Variants in CMTM8 observed in about 807,000 individuals in gnomAD.
CMTM8 encodes CKLF like MARVEL transmembrane domain containing 8, also known as CKLF-like MARVEL transmembrane domain-containing protein 8.
A neutral mutation model predicts 18.6 loss-of-function variants in CMTM8; 12 were observed. The ratio of observed to expected loss-of-function variants is 0.65; its 90% CI spans 0.41 to 1.05. The LOEUF is 1.05. Among genes scored for constraint, CMTM8 ranks in the 50% least tolerant of loss-of-function variants. The pLI is 0.00. For synonymous variants in CMTM8, 87 were observed against 90.6 expected, an observed-to-expected ratio of 0.96 and a Z score of 0.23; for missense variants, 217 against 227.2, an observed-to-expected ratio of 0.95 and a Z score of 0.29.
intron 1 of CMTM8, among the ~76,000 whole-genome samples, chr3:32,336,578 A>T (rs1359888799): frequency 6.6e-6 from 1 of 152,202 alleles, no homozygotes; most frequent in Admixed American, 6.5e-5. Context: ...GCTAAATGAG[A>T]TGTGAGCGAT....
intron 1 of CMTM8, among the ~76,000 whole-genome samples, chr3:32,273,129 ATGTGTGTGTGTGTGTGTGTGTG>A (rs60162265): frequency 7.0e-6 from 1 of 142,930 alleles, no homozygotes; most frequent in Non-Finnish European, 1.5e-5. Flanking sequence ...ATTGGAACAA[ATGTGTGTGTGTGTGTGTGTGTG>A]TGTGTGTGTG....
intron 1 of CMTM8, among the ~76,000 whole-genome samples, chr3:32,335,576 G>T (rs1696370725): frequency 6.6e-6 from 1 of 152,192 alleles, no homozygotes; most frequent in Non-Finnish European, 1.5e-5. Context: ...TACTGACCTT[G>T]GCCATTGGAC....
intron 1 of CMTM8, among the ~76,000 whole-genome samples, chr3:32,305,956 T>C (rs910006831): frequency 2.6e-5 from 4 of 152,250 alleles, no homozygotes; most frequent in Non-Finnish European, 4.4e-5. Flanking sequence ...AATCAATTCA[T>C]GTTGCTATGG....
At chr3:32,328,350 A>ATGG (rs1245887426) in intron 1 of CMTM8, among the ~76,000 whole-genome samples, 2 of 123,040 alleles carry the variant, frequency 1.6e-5, no homozygotes, top group East Asian at 4.9e-4. Flanking sequence ...AGCCTGGGTG[A>ATGG]TGGAGTGAGA....
At chr3:32,251,902 C>T (rs1420423146) in intron 1 of CMTM8, among the ~76,000 whole-genome samples, 1 of 151,568 alleles carries the variant, frequency 6.6e-6, no homozygotes, top group East Asian at 2.0e-4. Context: ...CTAGTCTGGG[C>T]AACATGATGA....
Position 32,309,947 on chromosome 3 carries a change from C to T in CMTM8, c.148-47426C>T, listed in dbSNP as rs545781381. ...GATGACTGAGTTCAGTCACCCTCAACCTTGCCTGGTCAGCCCTGCTTTCTG... is the reference window on the plus strand; with the variant it reads ...GATGACTGAGTTCAGTCACCCTCAATCTTGCCTGGTCAGCCCTGCTTTCTG... On this transcript the variant is annotated intron_variant, in intron 1 of 3. Transcript: ENST00000307526. Among the ~76,000 whole-genome samples the T allele has an allele frequency of 2.6e-5, 4 of 152,330 alleles. No individual in the cohort carries two copies. In the South Asian group the frequency reaches 8.3e-4, roughly 32 times the overall value.
At chr3:32,339,699 C>T (rs1289029147) in intron 1 of CMTM8, among the ~76,000 whole-genome samples, 1 of 152,120 alleles carries the variant, frequency 6.6e-6, no homozygotes, top group African/African-American at 2.4e-5. Flanking sequence ...CGCGGTGGCT[C>T]ATGCCTGTAA....
In CMTM8 at chr3:32,358,607, G is replaced by T. The variant is rs1696862822; in HGVS notation, c.321+1061G>T. Among the ~76,000 whole-genome samples, 1 of 152,172 alleles carries T rather than the reference G, an allele frequency of 6.6e-6. No homozygotes were observed. Among genetic ancestry groups the T allele is most frequent in the South Asian group, 2.1e-4 (1 of 4,830 alleles). ...ACTATCATTGTTCAAAACGCACCTG[G>T]CTTTGTTCTTTCTGTGTTGCTAAGC... is the stretch of plus-strand genomic sequence containing the variant. On this transcript the variant is annotated intron_variant, in intron 2 of 3. Transcript: ENST00000307526. The surrounding 1 kb of genome is among the most constrained non-coding windows in gnomAD (Gnocchi z 4.1).
chr3:32,338,372 C>T (rs1696428852), intron 1 of CMTM8, among the ~76,000 whole-genome samples: 1 of 152,114 alleles, frequency 6.6e-6, no homozygotes, highest in African/African-American at 2.4e-5. Flanking sequence ...CATGGGACAC[C>T]TCCCATTCCT....
At chr3:32,308,559 A>G (rs1381096292) in intron 1 of CMTM8, among the ~76,000 whole-genome samples, 1 of 152,168 alleles carries the variant, frequency 6.6e-6, no homozygotes, top group African/African-American at 2.4e-5. Context: ...ATCATCGTTC[A>G]TGAGTTCAGC....
intron 1 of CMTM8, among the ~76,000 whole-genome samples, chr3:32,348,799 C>T (rs1484679580): frequency 1.3e-5 from 2 of 152,052 alleles, no homozygotes; most frequent in Non-Finnish European, 2.9e-5. Flanking sequence ...CCTCTTCTGG[C>T]CCCTGGAACC....
intron 1 of CMTM8, among the ~76,000 whole-genome samples, chr3:32,329,360 C>G (rs1003796937): frequency 6.6e-6 from 1 of 152,186 alleles, no homozygotes; most frequent in African/African-American, 2.4e-5. Context: ...GCCACCATGC[C>G]TGGCCTCGTT....
chr3:32,245,517 C>A (rs756763730), intron 1 of CMTM8, among the ~76,000 whole-genome samples: 1 of 152,218 alleles, frequency 6.6e-6, no homozygotes, highest in African/African-American at 2.4e-5. Context: ...ATAACTATTA[C>A]AAGTACTTGA....
intron 1 of CMTM8, among the ~76,000 whole-genome samples, chr3:32,264,462 G>A (rs1025193528): frequency 5.3e-5 from 8 of 152,102 alleles, no homozygotes; most frequent in East Asian, 3.8e-4. Context: ...AGCACTAAAC[G>A]TGGAAAGGAA....
At chr3:32,274,543 G>A (rs529232245) in intron 1 of CMTM8, among the ~76,000 whole-genome samples, 69 of 152,136 alleles carry the variant, frequency 4.5e-4, no homozygotes, top group Admixed American at 4.4e-3. Context: ...CATATTTTAT[G>A]GAACCAATTG....
chr3:32,280,389 A>G (rs1026869756), intron 1 of CMTM8, among the ~76,000 whole-genome samples: 5 of 152,142 alleles, frequency 3.3e-5, no homozygotes, highest in African/African-American at 1.2e-4. Context: ...TCTGCAACCA[A>G]TCAGACTGGT....
chr3:32,321,293 G>A (rs1342533769), intron 1 of CMTM8, among the ~76,000 whole-genome samples: 1 of 152,126 alleles, frequency 6.6e-6, no homozygotes, highest in African/African-American at 2.4e-5. Context: ...GCTGCTGAAT[G>A]TAGAAAACCA....
chr3:32,329,223 G>A (rs1350820433), intron 1 of CMTM8, among the ~76,000 whole-genome samples: 2 of 152,204 alleles, frequency 1.3e-5, no homozygotes, highest in East Asian at 3.9e-4. Context: ...CCGCCACCAA[G>A]CCCGGCTAAT....
chr3:32,302,655 A>G (rs966222304), intron 1 of CMTM8, among the ~76,000 whole-genome samples: 3 of 152,202 alleles, frequency 2.0e-5, no homozygotes, highest in African/African-American at 7.2e-5. Flanking sequence ...GGGTTTTTCA[A>G]GCCCAGAGAA....
Sources: gnomAD v4.1 joint callset for allele counts (sites outside exome capture counted in the v4.1 genomes callset) on GRCh38, gnomAD v4.1.1 for gene constraint, Gnocchi (gnomAD v3.1) non-coding constraint, MANE v1.5 for transcripts, NCBI Gene and HGNC (gene_info 2026-07-23, HGNC 2026-07-21) for gene names.